Variants in LDLRAD4 observed in about 807,000 individuals in gnomAD.
LDLRAD4 encodes low density lipoprotein receptor class A domain containing 4.
A neutral mutation model predicts 17.0 loss-of-function variants in LDLRAD4; 5 were observed. The ratio of observed to expected loss-of-function variants is 0.29; its 90% CI spans 0.15 to 0.62. The LOEUF (loss-of-function observed/expected upper bound fraction) is 0.62, where lower values mean the gene tolerates loss of function less well. Ranked by LOEUF, LDLRAD4 falls within the 20% of genes least tolerant of loss-of-function variation. The pLI is 0.84. For missense variants in LDLRAD4, 340 were observed against 424.7 expected (o/e 0.80, Z 1.75); for synonymous variants, 168 against 171.8 (o/e 0.98, Z 0.17).
chr18:13,265,065 G>A (rs943104971), intron 1 of LDLRAD4, among the ~76,000 whole-genome samples: 2 of 152,128 alleles, frequency 1.3e-5, no homozygotes, highest in Non-Finnish European at 2.9e-5. Context: ...CCACTGTGTC[G>A]CCAAGGCCTG....
At chr18:13,558,282 A>G (rs998272125) in intron 3 of LDLRAD4, among the ~76,000 whole-genome samples, 1 of 152,306 alleles carries the variant, frequency 6.6e-6, no homozygotes, top group Admixed American at 6.5e-5. Flanking sequence ...ACAAGACATG[A>G]TGGGTTCTGA....
At chr18:13,595,061 A>G (rs967980334) in intron 3 of LDLRAD4, among the ~76,000 whole-genome samples, 1 of 152,046 alleles carries the variant, frequency 6.6e-6, no homozygotes, top group Non-Finnish European at 1.5e-5. Flanking sequence ...AGTCACTTTT[A>G]TCATTGTAAG....
intron 3 of LDLRAD4, among the ~76,000 whole-genome samples, chr18:13,565,906 C>T (rs1325534404): frequency 6.6e-6 from 1 of 152,242 alleles, no homozygotes; most frequent in Non-Finnish European, 1.5e-5. Context: ...TCAAACGTGG[C>T]TCTGAAGACT....
At chr18:13,390,726 T>G (rs2086208153) in intron 2 of LDLRAD4, among the ~76,000 whole-genome samples, 2 of 152,192 alleles carry the variant, frequency 1.3e-5, no homozygotes, top group African/African-American at 4.8e-5. Context: ...GTCTGCCTGT[T>G]CTCAGACCAT....
intron 1 of LDLRAD4, among the ~76,000 whole-genome samples, chr18:13,329,273 G>A (rs1244214596): frequency 6.6e-6 from 1 of 152,160 alleles, no homozygotes; most frequent in Admixed American, 6.5e-5. Context: ...ACAATCATCA[G>A]CAACATACTA....
intron 1 of LDLRAD4, among the ~76,000 whole-genome samples, chr18:13,297,822 T>C (rs1452777205): frequency 6.6e-6 from 1 of 152,048 alleles, no homozygotes; most frequent in Non-Finnish European, 1.5e-5. Context: ...ATAAGTCCAG[T>C]GTTGAAGTCC....
intron 1 of LDLRAD4, among the ~76,000 whole-genome samples, chr18:13,359,931 G>A (rs889473657): frequency 5.3e-5 from 8 of 152,214 alleles, no homozygotes; most frequent in Admixed American, 6.5e-5. Context: ...CAACAGGCAT[G>A]GCTAAGGCAC....
At chr18:13,287,904 A>C (rs891097117) in intron 1 of LDLRAD4, among the ~76,000 whole-genome samples, 4 of 152,262 alleles carry the variant, frequency 2.6e-5, no homozygotes, top group Admixed American at 2.6e-4. Flanking sequence ...AGGCAAAGAC[A>C]TTAAGGCAAA....
chr18:13,608,771 A>G (rs569264866), intron 3 of LDLRAD4, among the ~76,000 whole-genome samples: 4 of 152,362 alleles, frequency 2.6e-5, no homozygotes, highest in African/African-American at 9.6e-5. Context: ...AGAAACGCTT[A>G]TCTGTAGGAC....
chr18:13,315,683 C>T (rs1249564047), intron 1 of LDLRAD4, among the ~76,000 whole-genome samples: 1 of 147,020 alleles, frequency 6.8e-6, no homozygotes, highest in Non-Finnish European at 1.5e-5. Flanking sequence ...ACTTGGGAGG[C>T]TGAGGCAGGA....
chr18:13,322,290 C>CT (rs370707500), intron 1 of LDLRAD4, among the ~76,000 whole-genome samples: 36,990 of 109,540 alleles, frequency 0.34, 7,391 homozygotes, highest in African/African-American at 0.46. Flanking sequence ...ACTTTTCTCA[C>CT]TTTTTTTTTT....
At chr18:13,443,666 A>G (rs1420511269) in intron 3 of LDLRAD4, among the ~76,000 whole-genome samples, 2 of 151,464 alleles carry the variant, frequency 1.3e-5, no homozygotes, top group Non-Finnish European at 2.9e-5. Flanking sequence ...ATCCCTCCAT[A>G]TCTATTTCCC....
chr18:13,486,694 A>G (rs2093231366), intron 3 of LDLRAD4: 1 of 152,240 alleles, frequency 6.6e-6, no homozygotes. Flanking sequence ...AGAAAAGTGC[A>G]TGTATCAAAA....
intron 1 of LDLRAD4, among the ~76,000 whole-genome samples, chr18:13,289,715 T>C (rs969429615): frequency 1.3e-5 from 2 of 152,152 alleles, no homozygotes; most frequent in African/African-American, 2.4e-5. Context: ...TCCTGAGCCA[T>C]TGGGACTGCC....
At chr18:13,542,726 T>C (rs949374987) in intron 3 of LDLRAD4, among the ~76,000 whole-genome samples, 2 of 152,196 alleles carry the variant, frequency 1.3e-5, no homozygotes, top group Admixed American at 1.3e-4. Flanking sequence ...TACTTCATTC[T>C]GGTTTTTCTT....
intron 3 of LDLRAD4, among the ~76,000 whole-genome samples, chr18:13,581,146 A>G (rs1181006436): frequency 1.3e-5 from 2 of 152,256 alleles, no homozygotes; most frequent in Non-Finnish European, 2.9e-5. Context: ...AGGTAATTTT[A>G]TGCAGTGCGT....
chr18:13,434,277 T>C (rs1215302488), intron 2 of LDLRAD4, among the ~76,000 whole-genome samples: 1 of 150,150 alleles, frequency 6.7e-6, no homozygotes, highest in Non-Finnish European at 1.5e-5. Context: ...AGAAATCAAA[T>C]AGGAAATTTT....
Position 13,576,291 on chromosome 18 carries a change from G to A in LDLRAD4, c.182-44826G>A, listed in dbSNP as rs1475440886. On this transcript the variant is annotated intron_variant, in intron 3 of 5. Coordinates refer to ENST00000359446, the Ensembl canonical transcript of LDLRAD4. ...CAAAAAATTAGCTGGGCATGGTGGCGGGCGCCTGTAGTCCCAGCTACTTGG... is the reference window on the plus strand; with the variant it reads ...CAAAAAATTAGCTGGGCATGGTGGCAGGCGCCTGTAGTCCCAGCTACTTGG... Among the ~76,000 whole-genome samples the A allele has an allele frequency of 3.3e-5, 5 of 152,042 alleles. No individual in the cohort carries two copies. In the East Asian group the frequency reaches 5.8e-4, roughly 18 times the overall value.
In LDLRAD4 at chr18:13,440,987, A is replaced by G. The variant is rs1037686181; in HGVS notation, c.181+2603A>G. Among the ~76,000 whole-genome samples, 1 of 152,102 alleles carries G rather than the reference A, an allele frequency of 6.6e-6. No individual in the cohort carries two copies. The highest frequency in any genetic ancestry group is 2.4e-5 in the African/African-American group (1 of 41,418). On this transcript the variant is annotated intron_variant, in intron 3 of 5. Coordinates refer to ENST00000359446, the Ensembl canonical transcript of LDLRAD4. This position sits in a 1 kb window ranked among gnomAD's most constrained non-coding sequence, Gnocchi z 4.4. ...CCCTCAGGTTCTCTGCAGGAGCCCG[A>G]GGGAGCTGGGCGAGTGGTCATGGGG...
Sources: gnomAD v4.1 joint callset for allele counts (sites outside exome capture counted in the v4.1 genomes callset) on GRCh38, gnomAD v4.1.1 for gene constraint, Gnocchi (gnomAD v3.1) non-coding constraint, MANE v1.5 for transcripts, NCBI Gene and HGNC (gene_info 2026-07-23, HGNC 2026-07-21) for gene names.